LHX9: variants seen among roughly 807,000 people sequenced by gnomAD.
The protein encoded by LHX9 is LIM/homeobox protein Lhx9.
LHX9 carries 9 observed loss-of-function variants against 36.5 expected under a neutral mutation model. The ratio of observed to expected loss-of-function variants is 0.25; its 90% CI spans 0.15 to 0.43. LHX9 has a LOEUF of 0.43. LHX9 is among the 20% of genes least tolerant of loss of function. The pLI is 1.00. For missense variants in LHX9, 464 were observed against 526.4 expected, an observed-to-expected ratio of 0.88 and a Z score of 1.16; for synonymous variants, 211 against 212.1, an observed-to-expected ratio of 0.99 and a Z score of 0.04.
upstream of LHX9, among the ~76,000 whole-genome samples, chr1:197,913,514 A>G (rs868637052): frequency 6.6e-6 from 1 of 152,034 alleles, no homozygotes; most frequent in Non-Finnish European, 1.5e-5. Flanking sequence ...GTAGGGGGAA[A>G]TTTTCCACAT....
At chr1:197,927,874 G>T (rs1571407076) in intron 4 of LHX9, 81 bp downstream of exon 4, 1 of 1,238,958 alleles carries the variant, frequency 8.1e-7, no homozygotes, top group South Asian at 1.3e-5. Context: ...TGGTTAGAGT[G>T]ACGCAGATAT....
Position 197,917,820 on chromosome 1 carries a change from GT to G in LHX9, c.-3del, listed in dbSNP as rs780249959. The G allele has an allele frequency of 6.2e-7, 1 of 1,614,142 alleles. No individual in the cohort carries two copies. Among genetic ancestry groups the G allele is most frequent in the Non-Finnish European group, 8.5e-7 (1 of 1,179,974 alleles). ...GATGAGCTGAAAGCCCCGGGCGTGT[GT>G]ATATGGAAATAGTGGGGTGCCGAGC... On this transcript the variant is annotated 5_prime_UTR_variant, in exon 1 of 5. Coordinates refer to ENST00000367387, the MANE Select transcript of LHX9 (RefSeq NM_020204.3).
upstream of LHX9, chr1:197,912,530 G>A: frequency 6.2e-7 from 1 of 1,614,218 alleles, no homozygotes; most frequent in East Asian, 2.2e-5. Context: ...TTTCCTCTAA[G>A]AATGCTGAAC....
chr1:197,917,129 CGT>C (rs527768235), upstream of LHX9: 7,235 of 364,342 alleles, frequency 0.02, 104 homozygotes, highest in Middle Eastern at 0.038. Context: ...CGCGCGCGCG[CGT>C]GTGTGTGTTT....
At chr1:197,912,512 C>A (rs765021938), upstream of LHX9, 8 of 1,614,030 alleles carry the variant, frequency 5.0e-6, no homozygotes, top group South Asian at 8.8e-5. Context: ...ACGGCGTGAT[C>A]CACTCCTTTT....
At chr1:197,916,408 T>G, upstream of LHX9, 2 of 495,386 alleles carry the variant, frequency 4.0e-6, no homozygotes, top group Non-Finnish European at 7.2e-6. Context: ...CCTGCCAGGG[T>G]AGTGGGAGAA....
chr1:197,914,842 A>G (rs1659704416), upstream of LHX9, among the ~76,000 whole-genome samples: 1 of 152,170 alleles, frequency 6.6e-6, no homozygotes, highest in Non-Finnish European at 1.5e-5. Flanking sequence ...TTATAACCTG[A>G]GTTTTATAAG....
At position 197,930,969 on chromosome 1, in the gene LHX9, T is replaced by G. The variant is rs1476940894; in HGVS notation, c.*1710T>G. 1 of 151,970 alleles carries G rather than the reference T, an allele frequency of 6.6e-6. No homozygotes were observed. Among genetic ancestry groups the G allele is most frequent in the Non-Finnish European group, 1.5e-5 (1 of 67,852 alleles). 9.4% of individuals were successfully genotyped at this position (151,970 alleles called of 1,614,324 possible). On this transcript the variant is annotated 3_prime_UTR_variant, in exon 5 of 5. Transcript: ENST00000367387. ...AAGGCTGAGATCTTATTAATACACT[T>G]TTACAGGTAAAATATTGACACTTAT... is the stretch of plus-strand genomic sequence containing the variant.
Position 197,933,372 on chromosome 1 carries a change from A to G in LHX9, c.*4113A>G, listed in dbSNP as rs1296185190. 2 of 152,214 alleles carry G rather than the reference A, an allele frequency of 1.3e-5. No homozygotes were observed. Among genetic ancestry groups the G allele is most frequent in the Admixed American group, 1.3e-4 (2 of 15,276 alleles). The allele number at this position is 152,214 out of a possible 1,614,324, so 9.4% of individuals were successfully genotyped here. On this transcript the variant is annotated 3_prime_UTR_variant, in exon 5 of 5. Transcript: ENST00000367387. ...AGAAGAGAGAGCAACTTACTAATAA[A>G]AAAAAGCAATGCACCATGACAAGTA... is the stretch of plus-strand genomic sequence containing the variant.
In LHX9 at chr1:197,917,995, G is replaced by A; in HGVS notation, c.172G>A (p.Ala58Thr). 1 of 1,612,624 alleles carries A rather than the reference G, an allele frequency of 6.2e-7. No homozygotes were observed. Among genetic ancestry groups the A allele is most frequent in the Non-Finnish European group, 8.5e-7 (1 of 1,179,306 alleles). ...AKGAQLNGRD[A>T]GMPPLSPEKP... The stretch of plus-strand genomic sequence containing the variant: ...AGGCGCCCAGCTCAACGGCCGCGAC[G>A]CGGTAAGGAAGGGCTCCGCCGCGGC... The change falls in exon 1 of 5, where the codon GCG becomes ACG. Residue 58 changes from alanine to threonine, a missense_variant and splice_region_variant. Ala to Thr is a moderately conservative substitution (Grantham distance 58). Transcript: ENST00000367387.
intron 3 of LHX9, among the ~76,000 whole-genome samples, chr1:197,925,639 T>C (rs1457566346): frequency 6.6e-6 from 1 of 152,220 alleles, no homozygotes; most frequent in African/African-American, 2.4e-5. Flanking sequence ...CATTTGAGGA[T>C]ATGAAAGTGC....
rs1396565155 is a variant in LHX9, at chr1:197,920,004, C to T, written c.207C>T (p.Ala69=). ...CCCCGCTCAGCCCGGAGAAGCCCGC[C>T]CTGTGCGCCGGCTGCGGGGGCAAGA... ...GMPPLSPEKP[A]LCAGCGGKIS... Residue 69 remains alanine, a synonymous_variant, in exon 2 of 5, where the codon GCC becomes GCT. Transcript: ENST00000367387. The T allele has an allele frequency of 2.5e-6, 4 of 1,614,090 alleles. No individual in the cohort carries two copies. The highest frequency in any genetic ancestry group is 2.5e-6 in the Non-Finnish European group (3 of 1,180,056).
At position 197,921,626 on chromosome 1, in the gene LHX9, G is replaced by A; in HGVS notation, c.700G>A (p.Ala234Thr). 2 of 1,598,362 alleles carry A rather than the reference G, an allele frequency of 1.3e-6. No individual in the cohort carries two copies. Among genetic ancestry groups the A allele is most frequent in the Non-Finnish European group, 1.7e-6 (2 of 1,174,970 alleles). Residue 234 changes from alanine (A) to threonine (T), a missense_variant, in exon 3 of 5, where the codon GCG becomes ACG. This residue lies in a region of LHX9 where 130 missense variants were observed against 109.6 expected (regional missense o/e 1.19). Transcript: ENST00000367387. This position sits in a 1 kb window ranked among gnomAD's most constrained non-coding sequence, Gnocchi z 4.6. ...GCGGCCCCGGAAGCGGAAGAGCCCA[G>A]CGCTGGGAGTGGACATCGTCAATTA... ...KGRPRKRKSP[A>T]LGVDIVNYNS...
chr1:197,917,052 T>TC (rs1167853211), upstream of LHX9, among the ~76,000 whole-genome samples: 1 of 152,082 alleles, frequency 6.6e-6, no homozygotes, highest in Non-Finnish European at 1.5e-5. Context: ...GAGCTCCTTT[T>TC]CCCCTTTAAA....
In LHX9 at chr1:197,932,089, A is replaced by C; in HGVS notation, c.*2830A>C. ...AATTTATTAAGCCAAAAAAAAAGAGAGAGAGAGAGACTTAAATGTCATTTA... is the reference window on the plus strand; with the variant it reads ...AATTTATTAAGCCAAAAAAAAAGAGCGAGAGAGAGACTTAAATGTCATTTA... On this transcript the variant is annotated 3_prime_UTR_variant, in exon 5 of 5. Transcript: ENST00000367387. The C allele has an allele frequency of 1.4e-6, 1 of 707,386 alleles. No homozygotes were observed. Among genetic ancestry groups the C allele is most frequent in the Non-Finnish European group, 2.3e-6 (1 of 428,446 alleles). 43.8% of individuals were successfully genotyped at this position (707,386 alleles called of 1,614,324 possible). A position where few individuals can be genotyped will look rare whatever the true frequency, so the allele number is the denominator to read the frequency against.
At chr1:197,918,059 C>T in intron 1 of LHX9, 62 bp downstream of exon 1, 1 of 1,551,634 alleles carries the variant, frequency 6.4e-7, no homozygotes, top group Non-Finnish European at 8.7e-7. Context: ...TAAACCAAGC[C>T]GACTCCCTGG....
intron 3 of LHX9, among the ~76,000 whole-genome samples, chr1:197,924,394 G>C (rs1660085316): frequency 6.6e-6 from 1 of 152,206 alleles, no homozygotes; most frequent in South Asian, 2.1e-4. Context: ...CTTGGCAAAG[G>C]CCAGCTAGTG....
At chr1:197,928,688 C>A (rs575185657) in intron 4 of LHX9, among the ~76,000 whole-genome samples, 1 of 152,058 alleles carries the variant, frequency 6.6e-6, no homozygotes, top group Non-Finnish European at 1.5e-5. Context: ...CTTTTTATCA[C>A]CATGTGTTCA....
At chr1:197,920,783 G>A (rs1659957650) in intron 2 of LHX9, among the ~76,000 whole-genome samples, 5 of 152,160 alleles carry the variant, frequency 3.3e-5, no homozygotes, top group Admixed American at 2.0e-4. Context: ...ACAGGACTAA[G>A]TGCAGGTGAC....
Sources: gnomAD v4.1 joint callset for allele counts (sites outside exome capture counted in the v4.1 genomes callset) on GRCh38, gnomAD v4.1.1 for gene constraint, gnomAD v4.1.1 regional missense constraint, Gnocchi (gnomAD v3.1) non-coding constraint, MANE v1.5 for transcripts, NCBI Gene and HGNC (gene_info 2026-07-23, HGNC 2026-07-21) for gene names.